TEAD4: variants seen among roughly 807,000 people sequenced by gnomAD.
TEAD4 encodes transcriptional enhancer factor TEF-3.
Under a neutral mutation model 52.4 loss-of-function variants are expected in TEAD4, and 36 were observed. The ratio of observed to expected loss-of-function variants is 0.69; its 90% confidence interval spans 0.53 to 0.91. TEAD4 has a LOEUF of 0.91. Ranked by LOEUF, TEAD4 falls within the 40% of genes least tolerant of loss-of-function variation. The pLI, the probability that TEAD4 is intolerant of heterozygous loss-of-function variation, is 0.00. For synonymous variants in TEAD4, 220 were observed against 231.0 expected, an observed-to-expected ratio of 0.95 and a Z score of 0.43; for missense variants, 508 against 583.9, an observed-to-expected ratio of 0.87 and a Z score of 1.34.
chr12:3,016,709 C>G lies in TEAD4; in HGVS notation c.355-689C>G, dbSNP rs139891543. Among the ~76,000 whole-genome samples, 152 of 152,212 alleles carry G rather than the reference C, an allele frequency of 1.0e-3. No individual in the cohort carries two copies. The Middle Eastern group carries it at 0.014, about 14-fold the overall frequency. On this transcript the variant is annotated intron_variant, in intron 5 of 12. Transcript: ENST00000359864. ...TGAAGACCTTTGGAATTCGGGCACTCAGGATGGAAACCACTGGCTTATATG... is the reference window on the plus strand; with the variant it reads ...TGAAGACCTTTGGAATTCGGGCACTGAGGATGGAAACCACTGGCTTATATG...
chr12:3,030,696 G>C (rs1393955083), intron 10 of TEAD4, among the ~76,000 whole-genome samples: 1 of 152,122 alleles, frequency 6.6e-6, no homozygotes, highest in East Asian at 1.9e-4. Flanking sequence ...AACTGGGGTA[G>C]TCAGTCTCCC....
chr12:2,976,529 C>T (rs892857120), intron 2 of TEAD4, among the ~76,000 whole-genome samples: 2 of 152,204 alleles, frequency 1.3e-5, no homozygotes, highest in Non-Finnish European at 2.9e-5. Flanking sequence ...TGGAACTAAA[C>T]CTGTATCATC....
rs759784849 is a variant in TEAD4, at chr12:3,010,991, G to A, written c.227-13G>A. 7.4e-6 allele frequency: 12 copies of A among 1,613,922 alleles called. No homozygotes were observed. Among genetic ancestry groups the A allele is most frequent in the African/African-American group, 2.7e-5 (2 of 74,930 alleles). On this transcript the variant is annotated splice_polypyrimidine_tract_variant and intron_variant, in intron 3 of 12. Coordinates refer to ENST00000359864, the MANE Select transcript of TEAD4 (RefSeq NM_003213.4). ...TCCTTCTCTCCACTGAGAGGCTGCT[G>A]GTGTCTCTGCAGGTCGGAACGAGCT...
Position 3,038,103 on chromosome 12 carries a change from G to A in TEAD4, c.1033G>A (p.Val345Ile). Residue 345 changes from valine (V) to isoleucine (I), a missense_variant, in exon 11 of 13, where the codon GTT becomes ATT. By Grantham distance (29) the Val-to-Ile change is conservative (BLOSUM62 3). Transcript: ENST00000359864. ...TTTCGGCAAGCAGGTGGTGGAGAAAGTTGAGGTAGGAGGCCACCCTGGCGG... is the reference window on the plus strand; with the variant it reads ...TTTCGGCAAGCAGGTGGTGGAGAAAATTGAGGTAGGAGGCCACCCTGGCGG... The A allele has an allele frequency of 6.2e-7, 1 of 1,612,208 alleles. No homozygotes were observed. The highest frequency in any genetic ancestry group is 2.2e-5 in the East Asian group (1 of 44,818).
intron 2 of TEAD4, among the ~76,000 whole-genome samples, chr12:2,992,616 G>T (rs1283017747): frequency 6.6e-6 from 1 of 152,174 alleles, no homozygotes; most frequent in Non-Finnish European, 1.5e-5. Context: ...GAACTCAGGG[G>T]TTTAGACCCC....
chr12:3,018,465 C>T lies in TEAD4; in HGVS notation c.484-80C>T, dbSNP rs775719896. 68 of 1,562,096 alleles carry T rather than the reference C, an allele frequency of 4.4e-5. 1 individual carries two copies. The highest frequency in any genetic ancestry group is 1.7e-4 in the Middle Eastern group (1 of 5,958). On this transcript the variant is annotated intron_variant, in intron 6 of 12. Transcript: ENST00000359864. ...CTCTCCTCCCAGTGGAGGCCCTGCC[C>T]GGTCCTACCCCCACCCCCACACCAC...
intron 3 of TEAD4, among the ~76,000 whole-genome samples, chr12:2,997,573 T>G (rs1346475505): frequency 1.3e-5 from 2 of 151,972 alleles, no homozygotes; most frequent in Non-Finnish European, 2.9e-5. Context: ...GTGGCTTGGC[T>G]GGGGAGCTGT....
At chr12:3,002,482 G>A (rs374963901) in intron 3 of TEAD4, among the ~76,000 whole-genome samples, 1 of 152,206 alleles carries the variant, frequency 6.6e-6, no homozygotes, top group Admixed American at 6.5e-5. Flanking sequence ...AATGAACAAA[G>A]GTTCTGATTT....
intron 2 of TEAD4, among the ~76,000 whole-genome samples, chr12:2,965,061 G>A (rs2098219150): frequency 6.6e-6 from 1 of 152,162 alleles, no homozygotes; most frequent in African/African-American, 2.4e-5. Context: ...GACAACACAT[G>A]CTGTCTTGAT....
chr12:3,038,042 G>T lies in TEAD4; in HGVS notation c.972G>T (p.Glu324Asp), dbSNP rs1172254434. Reference sequence around the variant, plus strand: ...TCTCCAGCCAGTATGAGAGCCCCGAGAACATGATCATCACCTGCTCCACGA... The same window carrying T: ...TCTCCAGCCAGTATGAGAGCCCCGATAACATGATCATCACCTGCTCCACGA... The change falls in exon 11 of 13, where the codon GAG becomes GAT. Residue 324 changes from glutamate (E) to aspartate (D), a missense_variant. Glu to Asp is a conservative substitution (Grantham distance 45, BLOSUM62 2). Coordinates refer to ENST00000359864, the MANE Select transcript of TEAD4 (RefSeq NM_003213.4). 1.2e-6 allele frequency: 2 copies of T among 1,614,024 alleles called. No individual in the cohort carries two copies. Among genetic ancestry groups the T allele is most frequent in the East Asian group, 2.2e-5 (1 of 44,900 alleles).
At chr12:2,968,262 T>TTTTACAAAATTAAACCCTATC (rs2098222108) in intron 2 of TEAD4, among the ~76,000 whole-genome samples, 1 of 151,774 alleles carries the variant, frequency 6.6e-6, no homozygotes, top group Non-Finnish European at 1.5e-5. Context: ...AATTTTGTAT[T>TTTTACAAAATTAAACCCTATC]TTTAGTAAAG....
At chr12:3,034,120 A>C (rs2098277779) in intron 10 of TEAD4, among the ~76,000 whole-genome samples, 1 of 151,416 alleles carries the variant, frequency 6.6e-6, no homozygotes, top group Admixed American at 6.6e-5. Context: ...GAGAGCAGAA[A>C]CAATGTCTCA....
chr12:2,979,108 G>C (rs1172322570), intron 2 of TEAD4, among the ~76,000 whole-genome samples: 1 of 151,926 alleles, frequency 6.6e-6, no homozygotes, highest in African/African-American at 2.4e-5. Context: ...TAGAGACAGG[G>C]TTTCACATTG....
At chr12:3,039,870 A>G (rs1191970218) in intron 11 of TEAD4, among the ~76,000 whole-genome samples, 2 of 152,186 alleles carry the variant, frequency 1.3e-5, no homozygotes, top group African/African-American at 2.4e-5. Flanking sequence ...GTATTTTAAT[A>G]GTAACAAGGT....
intron 6 of TEAD4, 83 bp from the exon 7 acceptor site, chr12:3,018,462 G>A (rs1591590276): frequency 1.3e-6 from 2 of 1,554,712 alleles, no homozygotes; most frequent in Admixed American, 1.7e-5. Context: ...TGGAGGCCCT[G>A]CCCGGTCCTA....
intron 2 of TEAD4, among the ~76,000 whole-genome samples, chr12:2,981,669 G>T (rs2098234201): frequency 1.3e-5 from 2 of 152,196 alleles, no homozygotes; most frequent in Admixed American, 1.3e-4. Context: ...TTCAAGTAAA[G>T]AGTTAGTTGA....
intron 2 of TEAD4, among the ~76,000 whole-genome samples, chr12:2,961,905 G>A (rs1009703183): frequency 1.3e-5 from 2 of 151,950 alleles, no homozygotes; most frequent in Admixed American, 1.3e-4. Flanking sequence ...CAGGCCCTAC[G>A]CTGTGTTCCG....
chr12:2,979,643 A>G (rs555488665), intron 2 of TEAD4, among the ~76,000 whole-genome samples: 1 of 152,232 alleles, frequency 6.6e-6, no homozygotes, highest in African/African-American at 2.4e-5. Context: ...TGCAAGTACA[A>G]AATCTGTGAC....
intron 10 of TEAD4, among the ~76,000 whole-genome samples, chr12:3,022,501 A>G (rs1412827435): frequency 3.9e-5 from 6 of 152,172 alleles, no homozygotes; most frequent in Non-Finnish European, 7.3e-5. Context: ...TGGGTCACCC[A>G]GCTGACTCTG....
Sources: allele counts gnomAD v4.1 joint callset (sites outside exome capture counted in the v4.1 genomes callset), GRCh38; gene constraint gnomAD v4.1.1; transcripts MANE v1.5; gene names NCBI Gene and HGNC (gene_info 2026-07-23, HGNC 2026-07-21).